Variants in RBFOX1 observed in about 807,000 individuals in gnomAD.
RBFOX1 encodes RNA binding protein fox-1 homolog 1.
Under a neutral mutation model 57.7 loss-of-function variants are expected in RBFOX1, and 8 were observed. The ratio of observed to expected loss-of-function variants is 0.14; its 90% CI spans 0.08 to 0.25. The LOEUF (loss-of-function observed/expected upper bound fraction) is 0.25, where lower values mean the gene tolerates loss of function less well. RBFOX1 is among the 10% of genes least tolerant of loss of function. RBFOX1 has a pLI of 1.00. For synonymous variants in RBFOX1, 326 were observed against 222.4 expected (o/e 1.47, Z -4.15); for missense variants, 611 against 548.5 (o/e 1.11, Z -1.14).
At chr16:6,222,308 G>A (rs961218533) in intron 1 of RBFOX1, among the ~76,000 whole-genome samples, 4 of 151,938 alleles carry the variant, frequency 2.6e-5, no homozygotes, top group Admixed American at 6.6e-5. Context: ...GCTGTCTTCC[G>A]CTCTAGAGGC....
chr16:6,684,171 T>C (rs956687040), intron 3 of RBFOX1, among the ~76,000 whole-genome samples: 7 of 152,196 alleles, frequency 4.6e-5, no homozygotes, highest in African/African-American at 1.2e-4. Context: ...TAGGATCTGA[T>C]GTTAAACGCA....
In RBFOX1 at chr16:5,517,907, A is replaced by G. The variant is rs146091834; in HGVS notation, c.258+50653A>G. ...ACACATTTTACATATATATGTGTAT[A>G]TTTATAAAATATGCAAAAGCTACTG... On this transcript the variant is annotated intron_variant, in intron 2 of 2. Coordinates refer to the RBFOX1 transcript ENST00000585867. 5.3e-3 allele frequency among the ~76,000 whole-genome samples: 803 copies of G among 151,130 alleles called. 4 individuals carry two copies. The highest frequency in any genetic ancestry group is 0.019 in the African/African-American group (773 of 41,158).
At chr16:6,009,878 C>T (rs2094951174) in intron 4 of RBFOX1, among the ~76,000 whole-genome samples, 1 of 149,948 alleles carries the variant, frequency 6.7e-6, no homozygotes, top group Non-Finnish European at 1.5e-5. Context: ...TCATCCTATA[C>T]TTCCTGAATC....
chr16:5,314,899 A>G (rs2064192437), intron 1 of RBFOX1, among the ~76,000 whole-genome samples: 1 of 152,094 alleles, frequency 6.6e-6, no homozygotes, highest in Non-Finnish European at 1.5e-5. Context: ...TCTTTATAAC[A>G]ACACAGACAA....
intron 14 of RBFOX1, among the ~76,000 whole-genome samples, chr16:7,700,587 G>A (rs2080349358): frequency 6.6e-6 from 1 of 152,172 alleles, no homozygotes; most frequent in South Asian, 2.1e-4. Flanking sequence ...AATTCTTAGT[G>A]ATTTTGGTAG....
intron 4 of RBFOX1, among the ~76,000 whole-genome samples, chr16:5,955,984 A>G (rs996399494): frequency 6.6e-6 from 1 of 152,200 alleles, no homozygotes; most frequent in Non-Finnish European, 1.5e-5. Context: ...TACATTGGCC[A>G]TGCATGGTGG....
chr16:6,730,801 A>G (rs189903725), intron 3 of RBFOX1, among the ~76,000 whole-genome samples: 202 of 152,296 alleles, frequency 1.3e-3, no homozygotes, highest in Non-Finnish European at 2.4e-3. Context: ...TTCATTTACT[A>G]GGAGTTTCTC....
At chr16:7,699,562 G>C (rs2079971723) in intron 14 of RBFOX1, among the ~76,000 whole-genome samples, 1 of 152,168 alleles carries the variant, frequency 6.6e-6, no homozygotes, top group South Asian at 2.1e-4. Context: ...ACATGTGGCT[G>C]TGGAGCCCTT....
chr16:5,708,890 C>G (rs868859236), intron 3 of RBFOX1, among the ~76,000 whole-genome samples: 1 of 152,018 alleles, frequency 6.6e-6, no homozygotes, highest in African/African-American at 2.4e-5. Context: ...ACCCAATTGT[C>G]ATAGAAGAGG....
chr16:5,546,150 T>C (rs2045196043), intron 2 of RBFOX1, among the ~76,000 whole-genome samples: 1 of 152,136 alleles, frequency 6.6e-6, no homozygotes, highest in African/African-American at 2.4e-5. Context: ...AAAATTACAA[T>C]ATATTAATAA....
intron 1 of RBFOX1, among the ~76,000 whole-genome samples, chr16:6,297,434 C>G (rs992157736): frequency 2.0e-5 from 3 of 152,136 alleles, no homozygotes; most frequent in African/African-American, 7.2e-5. Context: ...AAATCCCAGC[C>G]TCTACTTACT....
chr16:7,093,031 T>C (rs1235670867), intron 4 of RBFOX1, among the ~76,000 whole-genome samples: 1 of 152,188 alleles, frequency 6.6e-6, no homozygotes, highest in East Asian at 1.9e-4. Context: ...AGAGAGAAAT[T>C]TTCGTTTTTT....
intron 3 of RBFOX1, among the ~76,000 whole-genome samples, chr16:6,860,443 C>T (rs569755325): frequency 6.6e-5 from 10 of 152,326 alleles, no homozygotes; most frequent in Middle Eastern, 3.4e-3. Flanking sequence ...GCGGGGGCAG[C>T]GGGCGCTCTA....
Position 5,359,514 on chromosome 16 carries a change from G to T in RBFOX1, c.220-107702G>T, listed in dbSNP as rs117605496. Among the ~76,000 whole-genome samples the T allele has an allele frequency of 1.7e-4, 26 of 152,252 alleles. No homozygotes were observed. The East Asian group carries it at 4.6e-3, about 27-fold the overall frequency. ...TTTGGATAAAAGTGATTTTAACTGG[G>T]GTGCGATGGCATCTCACTGTAGTCT... On this transcript the variant is annotated intron_variant, in intron 1 of 2. Coordinates refer to the RBFOX1 transcript ENST00000585867.
chr16:6,198,353 C>T (rs2152824500), intron 1 of RBFOX1, among the ~76,000 whole-genome samples: 1 of 152,324 alleles, frequency 6.6e-6, no homozygotes, highest in Admixed American at 6.5e-5. Context: ...AACACATAGG[C>T]AGGAATGCTC....
intron 4 of RBFOX1, among the ~76,000 whole-genome samples, chr16:5,985,655 G>A (rs2060271604): frequency 6.6e-6 from 1 of 152,188 alleles, no homozygotes. Flanking sequence ...ATTCCTAGTA[G>A]TACTCTTCCT....
chr16:6,488,342 C>T (rs1376383069), intron 2 of RBFOX1, among the ~76,000 whole-genome samples: 1 of 152,048 alleles, frequency 6.6e-6, no homozygotes, highest in Non-Finnish European at 1.5e-5. Context: ...ACAGGTCTTC[C>T]ATTTGTATTA....
rs76710235 is a variant in RBFOX1 at position 6,914,510 on chromosome 16, A to C, written c.-15-137547A>C. On this transcript the variant is annotated intron_variant, in intron 3 of 15. Transcript: ENST00000550418. ...CCACCTCCTACCTGAGCCACCTTTG[A>C]TAAGTGAGAATCTCTCTGGACATCA... is the stretch of plus-strand genomic sequence containing the variant. Among the ~76,000 whole-genome samples the C allele has an allele frequency of 7.8e-4, 118 of 152,212 alleles. 2 individuals are homozygous for C. In the East Asian group the frequency reaches 0.02, roughly 26 times the overall value.
intron 4 of RBFOX1, among the ~76,000 whole-genome samples, chr16:7,335,606 A>AAAAAAAAAAG (rs1568270544): frequency 1.5e-5 from 1 of 64,938 alleles, no homozygotes; most frequent in African/African-American, 1.5e-4. Context: ...AAAAAAAAAA[A>AAAAAAAAAAG]AAACCAAGTG....
Sources: gnomAD v4.1 joint callset for allele counts (sites outside exome capture counted in the v4.1 genomes callset) on GRCh38, gnomAD v4.1.1 for gene constraint, MANE v1.5 for transcripts, NCBI Gene and HGNC (gene_info 2026-07-23, HGNC 2026-07-21) for gene names.